The following STK10 variants were observed in gnomAD, a reference collection of about 807,000 sequenced individuals.
STK10 encodes serine/threonine kinase 10, also known as serine/threonine-protein kinase 10.
Under a neutral mutation model 113.8 loss-of-function variants are expected in STK10, and 78 were observed. That is an observed-to-expected ratio of 0.69 (90% CI 0.57 to 0.83). STK10 has a LOEUF of 0.83. Among genes scored for constraint, STK10 ranks in the 40% least tolerant of loss-of-function variants. The pLI, the probability that STK10 is intolerant of heterozygous loss-of-function variation, is 0.00. For synonymous variants in STK10, 465 were observed against 494.7 expected (o/e 0.94, Z 0.80); for missense variants, 1,109 against 1,280.1 (o/e 0.87, Z 2.04).
At chr5:172,085,448 G>T (rs139083101) in intron 10 of STK10, among the ~76,000 whole-genome samples, 1 of 151,960 alleles carries the variant, frequency 6.6e-6, no homozygotes, top group African/African-American at 2.4e-5. Context: ...CAGCACTTTG[G>T]GGGGCTGAGG....
intron 1 of STK10, among the ~76,000 whole-genome samples, chr5:172,181,850 T>G (rs913469374): frequency 2.0e-5 from 3 of 151,592 alleles, no homozygotes; most frequent in Non-Finnish European, 4.4e-5. Flanking sequence ...TACATATGAT[T>G]AGAACCAAGC....
At chr5:172,168,296 G>T (rs1423269482) in intron 1 of STK10, among the ~76,000 whole-genome samples, 1 of 152,162 alleles carries the variant, frequency 6.6e-6, no homozygotes, top group Non-Finnish European at 1.5e-5. Context: ...GAAGGGCTGC[G>T]ACTCTATTTA....
At chr5:172,061,396 GA>G in intron 13 of STK10, 128 bp from the exon 14 acceptor site, 1 of 1,371,088 alleles carries the variant, frequency 7.3e-7, no homozygotes, top group Non-Finnish European at 9.7e-7. Context: ...GAAATTGGTG[GA>G]GGAGAAATTT....
Position 172,129,112 on chromosome 5 carries a change from T to C in STK10, c.322-1691A>G, listed in dbSNP as rs1356846407. Among the ~76,000 whole-genome samples the C allele has an allele frequency of 3.8e-4, 58 of 152,204 alleles. 1 individual carries two copies. The highest frequency in any genetic ancestry group is 3.8e-3 in the Admixed American group (58 of 15,278). ...TGTGTCCTCAGCTGTAAAATGGGGC[T>C]GCTGATGCTGTTGCTCTGAACTGGG... On this transcript the variant is annotated intron_variant, in intron 2 of 18. Coordinates refer to ENST00000176763, the MANE Select transcript of STK10 (RefSeq NM_005990.4).
rs201487887 is a variant in STK10, at chr5:172,106,735, T to C, written c.673A>G (p.Ile225Val). The C allele has an allele frequency of 2.9e-5, 47 of 1,614,078 alleles. 1 individual carries two copies. In the Middle Eastern group the frequency reaches 2.8e-3, roughly 96 times the overall value. Reference sequence around the variant, plus strand: ...ATCTGGGCCATCTCAATCAGCGTGATGCCCAGGGACCAGATGTCGGCTTTG... The same window carrying C: ...ATCTGGGCCATCTCAATCAGCGTGACGCCCAGGGACCAGATGTCGGCTTTG... The part of the protein sequence containing the change: ...DYKADIWSLG[I>V]TLIEMAQIEP... The change falls in exon 6 of 19, where the codon ATC becomes GTC. Residue 225 changes from isoleucine (I) to valine (V), a missense_variant. By Grantham distance (29) the Ile-to-Val change is conservative. Around this residue, in one of 5 missense-constraint regions of STK10, gnomAD observed 885 missense variants for 991.1 expected, o/e 0.89. Transcript: ENST00000176763.
intron 2 of STK10, among the ~76,000 whole-genome samples, chr5:172,148,202 C>A (rs111628945): frequency 3.9e-5 from 6 of 152,044 alleles, no homozygotes; most frequent in African/African-American, 1.4e-4. Flanking sequence ...CTCAGAGGCA[C>A]GAAGAGGCGT....
rs375547333 is a variant in STK10, at chr5:172,119,827, G to A, written c.371-2197C>T. Among the ~76,000 whole-genome samples, 354 of 150,682 alleles carry A rather than the reference G, an allele frequency of 2.3e-3. 3 individuals are homozygous for A. Among genetic ancestry groups the A allele is most frequent in the African/African-American group, 8.0e-3 (326 of 40,646 alleles). ...TGCAGTGAGCGGAGATCACGCCACT[G>A]CACTCCAGCCTGGGCGACAGAGCGA... On this transcript the variant is annotated intron_variant, in intron 3 of 18. Transcript: ENST00000176763.
chr5:172,153,358 G>C (rs988434121), intron 2 of STK10, among the ~76,000 whole-genome samples: 1 of 151,654 alleles, frequency 6.6e-6, no homozygotes, highest in Admixed American at 6.6e-5. Flanking sequence ...TCACATTATA[G>C]TTCTACTGGT....
In STK10 at chr5:172,055,649, T is replaced by C. The variant is rs781672603; in HGVS notation, c.2465A>G (p.Lys822Arg). ...CCCGCCGTTGATGTGGAGGCTCTTCTTGTACATGGCCATGCGCGTCTTGCC... is the reference window on the plus strand; with the variant it reads ...CCCGCCGTTGATGTGGAGGCTCTTCCTGTACATGGCCATGCGCGTCTTGCC... ...SEGKTRMAMY[K>R]KSLHINGGGS... Residue 822 changes from lysine (K) to arginine (R), a missense_variant, in exon 16 of 19, where the codon AAG becomes AGG. Around this residue, in one of 5 missense-constraint regions of STK10, gnomAD observed 885 missense variants for 991.1 expected, o/e 0.89. Transcript: ENST00000176763. 4.4e-6 allele frequency: 7 copies of C among 1,576,280 alleles called. No homozygotes were observed. The highest frequency in any genetic ancestry group is 1.8e-5 in the Admixed American group (1 of 54,318).
chr5:172,128,679 G>A lies in STK10; in HGVS notation c.322-1258C>T, dbSNP rs539906818. The stretch of plus-strand genomic sequence containing the variant: ...CAGGTGGTTGAGGAAGAGGGATGGC[G>A]TCACAAACTTCAGGACAGGCAGAAT... On this transcript the variant is annotated intron_variant, in intron 2 of 18. Transcript: ENST00000176763. 1.3e-3 allele frequency among the ~76,000 whole-genome samples: 202 copies of A among 152,326 alleles called. 1 individual carries two copies. In the Middle Eastern group the frequency reaches 0.014, roughly 10 times the overall value.
chr5:172,168,234 C>T (rs148639153), intron 1 of STK10, among the ~76,000 whole-genome samples: 1,803 of 152,284 alleles, frequency 0.012, 49 homozygotes, highest in African/African-American at 0.041. Context: ...CTGTGCTGTC[C>T]CTGCCTGAAC....
At chr5:172,139,905 A>AG (rs1769938889) in intron 2 of STK10, among the ~76,000 whole-genome samples, 1 of 151,334 alleles carries the variant, frequency 6.6e-6, no homozygotes, top group African/African-American at 2.4e-5. Flanking sequence ...ACAGCCAAAA[A>AG]AAAAAAAAAA....
At chr5:172,051,949 G>C (rs1312998089) in intron 18 of STK10, among the ~76,000 whole-genome samples, 3 of 152,182 alleles carry the variant, frequency 2.0e-5, no homozygotes, top group African/African-American at 7.2e-5. Flanking sequence ...AAAGATGTGG[G>C]ACTGAGCGAG....
chr5:172,105,995 C>T lies in STK10; in HGVS notation c.789-258G>A, dbSNP rs11954190. 5.9e-5 allele frequency among the ~76,000 whole-genome samples: 9 copies of T among 152,280 alleles called. No homozygotes were observed. The South Asian group carries it at 1.4e-3, about 25-fold the overall frequency. ...GACTCAGCAGTGCCGGGATTTGAACCCAGGCCCCCGATGTCCCGCCCAGGG... is the reference window on the plus strand; with the variant it reads ...GACTCAGCAGTGCCGGGATTTGAACTCAGGCCCCCGATGTCCCGCCCAGGG... On this transcript the variant is annotated intron_variant, in intron 6 of 18. Transcript: ENST00000176763.
Position 172,172,965 on chromosome 5 carries a change from G to A in STK10, c.156+14922C>T, listed in dbSNP as rs183303113. Among the ~76,000 whole-genome samples the A allele has an allele frequency of 9.9e-5, 15 of 151,896 alleles. No homozygotes were observed. In the East Asian group the frequency reaches 2.9e-3, roughly 30 times the overall value. ...ACTGCACTCCAGCCTGGGTGACAGA[G>A]CAAGACTCTGTCAAAAAAAAGAAAA... On this transcript the variant is annotated intron_variant, in intron 1 of 18. Coordinates refer to ENST00000176763, the MANE Select transcript of STK10 (RefSeq NM_005990.4).
intron 13 of STK10, 57 bp downstream of exon 13, chr5:172,064,663 C>A: frequency 6.4e-7 from 1 of 1,569,172 alleles, no homozygotes; most frequent in South Asian, 1.1e-5. Context: ...GGGGCCTGGT[C>A]ACCATTCCAG....
At chr5:172,135,469 G>A (rs969439100) in intron 2 of STK10, among the ~76,000 whole-genome samples, 7 of 151,612 alleles carry the variant, frequency 4.6e-5, no homozygotes, top group African/African-American at 7.3e-5. Flanking sequence ...CCAAGATCAC[G>A]TCACTGCACT....
intron 2 of STK10, among the ~76,000 whole-genome samples, chr5:172,139,894 C>A: frequency 5.8e-5 from 7 of 121,134 alleles, no homozygotes; most frequent in African/African-American, 1.1e-4. Context: ...ACACCAAAAG[C>A]ACAGCCAAAA....
chr5:172,105,934 G>A (rs1372745212), intron 6 of STK10, among the ~76,000 whole-genome samples, 197 bp from the exon 7 acceptor site: 2 of 152,196 alleles, frequency 1.3e-5, no homozygotes, highest in African/African-American at 2.4e-5. Context: ...AGACATCGGC[G>A]AGGAGCAGGG....
Sources: allele counts gnomAD v4.1 joint callset (sites outside exome capture counted in the v4.1 genomes callset), GRCh38; gene constraint gnomAD v4.1.1; regional missense constraint gnomAD v4.1.1; transcripts MANE v1.5; gene names NCBI Gene and HGNC (gene_info 2026-07-23, HGNC 2026-07-21).